The following GTF3C1 variants were observed in gnomAD, a reference collection of about 807,000 sequenced individuals.
GTF3C1 encodes general transcription factor IIIC subunit 1.
A neutral mutation model predicts 226.7 loss-of-function variants in GTF3C1; 57 were observed. That is an observed-to-expected ratio of 0.25 (90% CI 0.20 to 0.31). GTF3C1 has a LOEUF of 0.31. Among genes scored for constraint, GTF3C1 ranks in the 10% least tolerant of loss-of-function variants. The probability of loss-of-function intolerance (pLI) is 1.00; values close to 1 mark genes in which losing one functional copy is unlikely to be tolerated. For missense variants in GTF3C1, 2,217 were observed against 2,776.1 expected (o/e 0.80, Z 4.53); for synonymous variants, 1,090 against 1,084.8 (o/e 1.00, Z -0.09).
At chr16:27,489,794 TG>T (rs765119395) in intron 19 of GTF3C1, 51 bp from the exon 20 acceptor site, 9 of 1,575,578 alleles carry the variant, frequency 5.7e-6, no homozygotes, top group Non-Finnish European at 7.8e-6. Flanking sequence ...GCTGCAGCTC[TG>T]GTGGCTACTA....
rs1368710476 is a variant in GTF3C1, at chr16:27,464,631, G to A, written c.5561C>T (p.Ser1854Phe). 6.6e-7 allele frequency: 1 copy of A among 1,510,370 alleles called. No individual in the cohort carries two copies. Among genetic ancestry groups the A allele is most frequent in the Non-Finnish European group, 8.8e-7 (1 of 1,130,444 alleles). The allele number at this position is 1,510,370 out of a possible 1,614,324, so 93.6% of individuals were successfully genotyped here. A position where few individuals can be genotyped will look rare whatever the true frequency, so the allele number is the denominator to read the frequency against. Residue 1854 changes from serine (S) to phenylalanine (F), a missense_variant, in exon 34 of 37, where the codon TCT becomes TTT. By Grantham distance (155) the Ser-to-Phe change is radical. Coordinates refer to ENST00000356183, the MANE Select transcript of GTF3C1 (RefSeq NM_001520.4). ...CCTCTTGGTGCCCCGGGGGCTGTGA[G>A]AAGGAGGTGCCTGCCCCTCGGGGGG... is the stretch of plus-strand genomic sequence containing the variant. ...DSPPEGQAPPSHSPRGTKRRA... is the reference protein window; with the variant it reads ...DSPPEGQAPPFHSPRGTKRRA...
chr16:27,499,533 T>C (rs754283636), intron 12 of GTF3C1, among the ~76,000 whole-genome samples: 1 of 152,158 alleles, frequency 6.6e-6, no homozygotes, highest in Non-Finnish European at 1.5e-5. Context: ...ATGCTGAACA[T>C]GGGCTCAGAA....
chr16:27,544,961 A>C lies in GTF3C1; in HGVS notation c.431+353T>G, dbSNP rs369612900. The stretch of plus-strand genomic sequence containing the variant: ...CATTCAAAGCACTCAGATTCCCAGG[A>C]ATTTCTTTTTTCCTTTTTTTTTTTT... On this transcript the variant is annotated intron_variant, in intron 2 of 36. Transcript: ENST00000356183. 4.8e-4 allele frequency among the ~76,000 whole-genome samples: 64 copies of C among 133,500 alleles called. No individual in the cohort carries two copies. The South Asian group carries it at 0.017, about 34-fold the overall frequency. The allele number at this position is 133,500 out of a possible 152,430, so 87.6% of individuals were successfully genotyped here. A position where few individuals can be genotyped will look rare whatever the true frequency, so the allele number is the denominator to read the frequency against.
Position 27,492,307 on chromosome 16 carries a change from GC to G in GTF3C1, c.3151+30del. The stretch of plus-strand genomic sequence containing the variant: ...TAGCACACAGAAAGGAGCAAAAGCA[GC>G]CAGGTTCAGCCGAGACAGCCGACAC... On this transcript the variant is annotated intron_variant, in intron 19 of 36. Coordinates refer to ENST00000356183, the MANE Select transcript of GTF3C1 (RefSeq NM_001520.4). This position sits in a 1 kb window ranked among gnomAD's most constrained non-coding sequence, Gnocchi z 5.0. The G allele has an allele frequency of 7.2e-7, 1 of 1,384,820 alleles. No homozygotes were observed. The highest frequency in any genetic ancestry group is 1.0e-6 in the Non-Finnish European group (1 of 992,410). The allele number at this position is 1,384,820 out of a possible 1,614,324, so 85.8% of individuals were successfully genotyped here.
chr16:27,542,776 C>T (rs574150589), intron 2 of GTF3C1, among the ~76,000 whole-genome samples: 3 of 152,304 alleles, frequency 2.0e-5, no homozygotes, highest in East Asian at 1.9e-4. Flanking sequence ...TGCCCCTCTG[C>T]ACATGTTCAC....
Position 27,492,226 on chromosome 16 carries a change from C to T in GTF3C1, c.3151+112G>A, listed in dbSNP as rs770564472. The T allele has an allele frequency of 5.1e-5, 35 of 690,798 alleles. No homozygotes were observed. The highest frequency in any genetic ancestry group is 2.3e-4 in the South Asian group (13 of 55,378). The allele number at this position is 690,798 out of a possible 1,614,324, so 42.8% of individuals were successfully genotyped here. A position where few individuals can be genotyped will look rare whatever the true frequency, so the allele number is the denominator to read the frequency against. On this transcript the variant is annotated intron_variant, in intron 19 of 36. Transcript: ENST00000356183. The surrounding 1 kb of genome is among the most constrained non-coding windows in gnomAD (Gnocchi z 5.0). ...GTGCTCTGGGCCTCTGGGGAGCACT[C>T]GGAACATACCACTGGTTGAGGCAAC...
At chr16:27,480,641 G>C (rs1349052807) in intron 27 of GTF3C1, 1 of 159,814 alleles carries the variant, frequency 6.3e-6, no homozygotes, top group East Asian at 1.8e-4. Context: ...AACAGGCCTA[G>C]TTCACAGAAC....
intron 16 of GTF3C1, among the ~76,000 whole-genome samples, chr16:27,494,134 G>A (rs2088274985): frequency 1.3e-5 from 2 of 152,070 alleles, no homozygotes; most frequent in East Asian, 3.8e-4. Context: ...GGGTGCAATG[G>A]CTCACGCCTG....
At chr16:27,495,586 AG>A (rs1596633427) in intron 14 of GTF3C1, 94 bp from the exon 15 acceptor site, 4 of 1,171,664 alleles carry the variant, frequency 3.4e-6, no homozygotes, top group African/African-American at 1.5e-5. Context: ...ACTATGTGCC[AG>A]GGGCCAGAAA....
At chr16:27,464,268 G>C (rs1034601248) in intron 34 of GTF3C1, 52 bp downstream of exon 34, 1 of 1,229,988 alleles carries the variant, frequency 8.1e-7, no homozygotes. Context: ...GGGCGGAGGG[G>C]AGGGAAAGCC....
intron 23 of GTF3C1, among the ~76,000 whole-genome samples, chr16:27,486,559 C>T (rs927824965): frequency 6.6e-6 from 1 of 152,164 alleles, no homozygotes; most frequent in African/African-American, 2.4e-5. Context: ...CAGGCCCCCA[C>T]GCTCCCTTGC....
chr16:27,505,985 G>A lies in GTF3C1; in HGVS notation c.1684C>T (p.Pro562Ser). 5.0e-6 allele frequency: 8 copies of A among 1,613,198 alleles called. No homozygotes were observed. The highest frequency in any genetic ancestry group is 6.8e-6 in the Non-Finnish European group (8 of 1,179,072). The change falls in exon 10 of 37, where the codon CCC becomes TCC. Residue 562 changes from proline (P) to serine (S), a missense_variant. Coordinates refer to ENST00000356183, the MANE Select transcript of GTF3C1 (RefSeq NM_001520.4). ...CAGTGGGAGACAAAGGACACGTTGG[G>A]TTCTGAGACGCTGCTGGTATCTAAG... The part of the protein sequence containing the change: ...SLLDTSSVSE[P>S]NVSFVSHCAD...
Position 27,469,485 on chromosome 16 carries a change from C to T in GTF3C1, c.4880G>A (p.Gly1627Glu). 1.2e-6 allele frequency: 2 copies of T among 1,614,164 alleles called. No homozygotes were observed. Among genetic ancestry groups the T allele is most frequent in the Non-Finnish European group, 1.7e-6 (2 of 1,180,012 alleles). The change falls in exon 32 of 37, where the codon GGG becomes GAG. Residue 1627 changes from glycine (G) to glutamate (E), a missense_variant. By Grantham distance (98) the Gly-to-Glu change is moderately conservative. Around this residue, in one of 12 missense-constraint regions of GTF3C1, gnomAD observed 546 missense variants for 663.0 expected, o/e 0.82. Coordinates refer to ENST00000356183, the MANE Select transcript of GTF3C1 (RefSeq NM_001520.4). This position sits in a 1 kb window ranked among gnomAD's most constrained non-coding sequence, Gnocchi z 4.5. ...DEEDDLDEGV[G>E]GKRRSMEVKP... ...CACCTCCATGCTCCGGCGCTTGCCC[C>T]CTACACCTTCGTCCAAGTCATCCTC...
In GTF3C1 at chr16:27,472,209, C is replaced by T. The variant is rs530522485; in HGVS notation, c.4354-289G>A. 4.7e-4 allele frequency among the ~76,000 whole-genome samples: 72 copies of T among 152,260 alleles called. 1 individual carries two copies. Among genetic ancestry groups the T allele is most frequent in the African/African-American group, 1.7e-3 (69 of 41,538 alleles). ...ACAGGGGGGCTATTCACTCCCAAGCCGATTTCTTTTGGATGCAGACAGAGG... is the reference window on the plus strand; with the variant it reads ...ACAGGGGGGCTATTCACTCCCAAGCTGATTTCTTTTGGATGCAGACAGAGG... On this transcript the variant is annotated intron_variant, in intron 29 of 36. Transcript: ENST00000356183.
At chr16:27,541,534 G>C (rs2089082932) in intron 2 of GTF3C1, among the ~76,000 whole-genome samples, 1 of 152,170 alleles carries the variant, frequency 6.6e-6, no homozygotes, top group African/African-American at 2.4e-5. Context: ...ATCTAGTGAG[G>C]AAACAGTGAC....
chr16:27,471,416 A>C lies in GTF3C1; in HGVS notation c.4526+332T>G. The C allele has an allele frequency of 3.5e-6, 1 of 285,222 alleles. No individual in the cohort carries two copies. Among genetic ancestry groups the C allele is most frequent in the Non-Finnish European group, 6.8e-6 (1 of 147,122 alleles). 17.7% of individuals were successfully genotyped at this position (285,222 alleles called of 1,614,324 possible). A position where few individuals can be genotyped will look rare whatever the true frequency, so the allele number is the denominator to read the frequency against. ...GGTCTCAGGGCTACGCGGAAGAGGG[A>C]CTGAGGCTATGCTGGAACAGGAGGG... On this transcript the variant is annotated intron_variant, in intron 30 of 36. Coordinates refer to ENST00000356183, the MANE Select transcript of GTF3C1 (RefSeq NM_001520.4). This position sits in a 1 kb window ranked among gnomAD's most constrained non-coding sequence, Gnocchi z 5.0.
rs111729273 is a variant in GTF3C1 at position 27,463,166 on chromosome 16, G to A, written c.5924+375C>T. The A allele has an allele frequency of 8.4e-3, 2,041 of 243,946 alleles. 59 individuals carry two copies. Among genetic ancestry groups the A allele is most frequent in the African/African-American group, 0.043 (1,876 of 43,754 alleles). The allele number at this position is 243,946 out of a possible 1,614,324, so 15.1% of individuals were successfully genotyped here. ...TGTAACTCTGTGGCATGGTTGTCCCGGGGGCAGCTGGGCATTCAGGGCTTA... is the reference window on the plus strand; with the variant it reads ...TGTAACTCTGTGGCATGGTTGTCCCAGGGGCAGCTGGGCATTCAGGGCTTA... On this transcript the variant is annotated intron_variant, in intron 35 of 36. Transcript: ENST00000356183. This position sits in a 1 kb window ranked among gnomAD's most constrained non-coding sequence, Gnocchi z 4.9.
intron 14 of GTF3C1, among the ~76,000 whole-genome samples, chr16:27,496,857 G>A (rs1425126422): frequency 6.6e-6 from 1 of 152,228 alleles, no homozygotes; most frequent in East Asian, 1.9e-4. Flanking sequence ...GAACACCCGC[G>A]CTGCCCCTGG....
intron 2 of GTF3C1, among the ~76,000 whole-genome samples, chr16:27,539,890 T>C (rs1053678854): frequency 6.6e-6 from 1 of 152,156 alleles, no homozygotes; most frequent in Non-Finnish European, 1.5e-5. Context: ...CTTTATAAAT[T>C]ACCCAGTTTG....
Sources: allele counts gnomAD v4.1 joint callset (sites outside exome capture counted in the v4.1 genomes callset), GRCh38; gene constraint gnomAD v4.1.1; regional missense constraint gnomAD v4.1.1; non-coding constraint Gnocchi (gnomAD v3.1); transcripts MANE v1.5; gene names NCBI Gene and HGNC (gene_info 2026-07-23, HGNC 2026-07-21).